Variants in ADGRL2 observed in about 807,000 individuals in gnomAD.
The protein encoded by ADGRL2 is adhesion G protein-coupled receptor L2.
ADGRL2 carries 44 observed loss-of-function variants against 157.4 expected under a neutral mutation model. The ratio of observed to expected loss-of-function variants is 0.28; its 90% confidence interval spans 0.22 to 0.36. The LOEUF is 0.36. Ranked by LOEUF, ADGRL2 falls within the 10% of genes least tolerant of loss-of-function variation. The probability of loss-of-function intolerance (pLI) is 1.00; values close to 1 mark genes in which losing one functional copy is unlikely to be tolerated. For synonymous variants in ADGRL2, 585 were observed against 624.7 expected, an observed-to-expected ratio of 0.94 and a Z score of 0.95; for missense variants, 1,510 against 1,768.9, an observed-to-expected ratio of 0.85 and a Z score of 2.63.
intron 3 of ADGRL2, among the ~76,000 whole-genome samples, chr1:81,614,988 G>T (rs961084993): frequency 1.3e-5 from 2 of 152,154 alleles, no homozygotes; most frequent in African/African-American, 4.8e-5. Context: ...ACTCCAGCCT[G>T]AGCGACAGAG....
chr1:81,657,050 A>G (rs1455346364), intron 3 of ADGRL2, among the ~76,000 whole-genome samples: 1 of 151,400 alleles, frequency 6.6e-6, no homozygotes, highest in Non-Finnish European at 1.5e-5. Context: ...CATGCAACTT[A>G]TATCAGGGAA....
At chr1:81,985,613 T>A (rs1304356350) in intron 21 of ADGRL2, among the ~76,000 whole-genome samples, 3 of 151,982 alleles carry the variant, frequency 2.0e-5, no homozygotes, top group Admixed American at 2.0e-4. Flanking sequence ...ACTATTCACA[T>A]GAAACAGTAC....
intron 3 of ADGRL2, among the ~76,000 whole-genome samples, chr1:81,675,177 CT>C (rs143838038): frequency 0.016 from 2,423 of 152,220 alleles, 24 homozygotes; most frequent in Middle Eastern, 0.024. Context: ...AAGAGCATAA[CT>C]TTTTTTGTTT....
chr1:81,381,578 A>G (rs1301978215), intron 1 of ADGRL2, among the ~76,000 whole-genome samples: 1 of 151,296 alleles, frequency 6.6e-6, no homozygotes, highest in Non-Finnish European at 1.5e-5. Context: ...GTCTCAAAGG[A>G]AAAAAAAATA....
chr1:81,774,111 C>A (rs550144376), intron 2 of ADGRL2, among the ~76,000 whole-genome samples: 1 of 152,100 alleles, frequency 6.6e-6, no homozygotes, highest in Non-Finnish European at 1.5e-5. Context: ...TTGTTTAAGT[C>A]GCCCTGTCTG....
chr1:81,617,707 C>T (rs1489716022), intron 3 of ADGRL2, among the ~76,000 whole-genome samples: 2 of 152,210 alleles, frequency 1.3e-5, no homozygotes, highest in African/African-American at 2.4e-5. Context: ...AGGAAGACAG[C>T]GGAGCTTGGA....
intron 3 of ADGRL2, among the ~76,000 whole-genome samples, chr1:81,685,825 C>G (rs1271297494): frequency 1.3e-5 from 2 of 152,102 alleles, no homozygotes; most frequent in East Asian, 3.8e-4. Flanking sequence ...GCCGATTTTG[C>G]TGAGAGTTTT....
At chr1:81,763,520 C>T (rs1012039550) in intron 2 of ADGRL2, among the ~76,000 whole-genome samples, 3 of 144,942 alleles carry the variant, frequency 2.1e-5, no homozygotes, top group Admixed American at 7.2e-5. Context: ...ACCCAGGAGG[C>T]GGAGGTTGCA....
At chr1:81,933,639 C>T (rs2095267205) in intron 3 of ADGRL2, among the ~76,000 whole-genome samples, 1 of 152,158 alleles carries the variant, frequency 6.6e-6, no homozygotes, top group South Asian at 2.1e-4. Context: ...ATCTTATCAA[C>T]AGCATATTGT....
intron 1 of ADGRL2, among the ~76,000 whole-genome samples, chr1:81,407,043 G>A (rs1231711526): frequency 1.3e-5 from 2 of 152,122 alleles, no homozygotes; most frequent in Non-Finnish European, 2.9e-5. Flanking sequence ...GGTGTCTCTG[G>A]AAGAAATGTG....
chr1:81,587,199 T>C (rs2081045284), intron 3 of ADGRL2, among the ~76,000 whole-genome samples: 1 of 152,096 alleles, frequency 6.6e-6, no homozygotes, highest in Non-Finnish European at 1.5e-5. Context: ...ACATGATTCT[T>C]AGAACATTCA....
chr1:81,451,099 C>T (rs1408079093), intron 2 of ADGRL2, among the ~76,000 whole-genome samples: 4 of 152,144 alleles, frequency 2.6e-5, no homozygotes, highest in East Asian at 1.9e-4. Context: ...CTTACACACT[C>T]GCTAACAGAT....
intron 2 of ADGRL2, among the ~76,000 whole-genome samples, chr1:81,871,158 C>T (rs2093684184): frequency 7.0e-6 from 1 of 143,326 alleles, no homozygotes; most frequent in South Asian, 2.2e-4. Context: ...CTGTTCAGTT[C>T]CCATCTATGA....
At chr1:81,601,258 T>A (rs2081328197) in intron 3 of ADGRL2, among the ~76,000 whole-genome samples, 1 of 152,218 alleles carries the variant, frequency 6.6e-6, no homozygotes, top group Non-Finnish European at 1.5e-5. Context: ...GTTGTTATAA[T>A]GTGAGAATAT....
At chr1:81,699,908 A>G (rs1378736336) in intron 1 of ADGRL2, 2 of 152,210 alleles carry the variant, frequency 1.3e-5, no homozygotes, top group South Asian at 2.1e-4. Flanking sequence ...TACTAGGGCA[A>G]TCTTGCCAGT....
chr1:81,590,053 T>C (rs2081101888), intron 3 of ADGRL2, among the ~76,000 whole-genome samples: 1 of 152,168 alleles, frequency 6.6e-6, no homozygotes, highest in Non-Finnish European at 1.5e-5. Flanking sequence ...TAAAAAGATC[T>C]GAGGATTCCC....
chr1:81,466,679 G>GCACACA (rs5775620), intron 2 of ADGRL2, among the ~76,000 whole-genome samples: 8 of 151,168 alleles, frequency 5.3e-5, no homozygotes, highest in African/African-American at 1.7e-4. Context: ...TCACGCGCGC[G>GCACACA]CACACACACA....
At chr1:81,414,451 C>G (rs1372769888) in intron 1 of ADGRL2, 1 of 152,190 alleles carries the variant, frequency 6.6e-6, no homozygotes, top group East Asian at 1.9e-4. Context: ...CATTATAGAG[C>G]GTGATATGAG....
rs190914592 is a variant in ADGRL2 at position 81,741,189 on chromosome 1, C to A, written c.-142-20622C>A. ...GTAAAATGAAGTTGAAGAGTGAGGC[C>A]AAAATAGATATAGGAAATGGAAAAA... On this transcript the variant is annotated intron_variant, in intron 1 of 20. Transcript: ENST00000359929. Among the ~76,000 whole-genome samples, 29 of 146,124 alleles carry A rather than the reference C, an allele frequency of 2.0e-4. No homozygotes were observed. The East Asian group carries it at 5.5e-3, about 28-fold the overall frequency.
Sources: allele counts gnomAD v4.1 joint callset (sites outside exome capture counted in the v4.1 genomes callset), GRCh38; gene constraint gnomAD v4.1.1; transcripts MANE v1.5; gene names NCBI Gene and HGNC (gene_info 2026-07-23, HGNC 2026-07-21).